Variants in ASS1 observed in about 807,000 individuals in gnomAD.
ASS1 encodes argininosuccinate synthase 1.
Under a neutral mutation model 60.5 loss-of-function variants are expected in ASS1, and 58 were observed. The ratio of observed to expected loss-of-function variants is 0.96; its 90% CI spans 0.78 to 1.19. The LOEUF is 1.19. Ranked by LOEUF, ASS1 falls within the 50% of genes most tolerant of loss-of-function variation. ASS1 has a pLI of 0.00. For missense variants in ASS1, 454 were observed against 547.3 expected, an observed-to-expected ratio of 0.83 and a Z score of 1.70; for synonymous variants, 200 against 206.9, an observed-to-expected ratio of 0.97 and a Z score of 0.29.
At chr9:130,450,189 A>G in intron 1 of ASS1, 3 of 866,726 alleles carry the variant, frequency 3.5e-6, no homozygotes, top group Non-Finnish European at 4.2e-6. Context: ...CTCACAGGAG[A>G]TTGGGCGGCT....
chr9:130,471,016 G>A (rs1845855331), intron 7 of ASS1, 112 bp downstream of exon 7: 1 of 1,289,674 alleles, frequency 7.8e-7, no homozygotes, highest in African/African-American at 1.5e-5. Flanking sequence ...CCTGCCCTCG[G>A]GGAGCTGAGA....
intron 13 of ASS1, among the ~76,000 whole-genome samples, chr9:130,496,423 AAAAT>A (rs1159970986): frequency 6.6e-6 from 1 of 151,624 alleles, no homozygotes; most frequent in East Asian, 1.9e-4. Context: ...CCTGTCTCAA[AAAAT>A]AAATACATAA....
intron 11 of ASS1, among the ~76,000 whole-genome samples, chr9:130,485,402 C>A (rs948274300): frequency 1.3e-5 from 2 of 152,116 alleles, no homozygotes; most frequent in African/African-American, 4.8e-5. Flanking sequence ...CAAAGTCACA[C>A]AGCAAAGCCA....
At chr9:130,454,435 G>A (rs1162426102) in intron 3 of ASS1, 62 bp downstream of exon 3, 2 of 1,505,292 alleles carry the variant, frequency 1.3e-6, no homozygotes, top group African/African-American at 2.8e-5. Flanking sequence ...GGGCAGTGGT[G>A]GATGCTCCTG....
chr9:130,495,466 T>TACACACAC (rs1296659536), intron 13 of ASS1, among the ~76,000 whole-genome samples: 3 of 81,476 alleles, frequency 3.7e-5, no homozygotes, highest in Non-Finnish European at 8.8e-5. Flanking sequence ...TATATACACA[T>TACACACAC]ACATATACAC....
intron 1 of ASS1, among the ~76,000 whole-genome samples, chr9:130,445,382 TG>T (rs1000963627): frequency 2.0e-5 from 3 of 151,822 alleles, no homozygotes; most frequent in African/African-American, 4.8e-5. Flanking sequence ...CCGGAGCGTG[TG>T]GGGGGGCTCC....
intron 6 of ASS1, among the ~76,000 whole-genome samples, chr9:130,469,517 G>T (rs901776359): frequency 6.6e-6 from 1 of 151,748 alleles, no homozygotes; most frequent in Non-Finnish European, 1.5e-5. Flanking sequence ...TTCAAGTGAT[G>T]CTCCTACCTC....
chr9:130,499,544 C>G lies in ASS1; in HGVS notation c.1167C>G (p.Thr389=), dbSNP rs772796860. Residue 389 remains threonine, a synonymous_variant, in exon 14 of 15, where the codon ACC becomes ACG. Coordinates refer to ENST00000352480, the MANE Select transcript of ASS1 (RefSeq NM_054012.4). ...VQGDYEPTDA[T]GFININSLRL... Reference sequence around the variant, plus strand: ...GTGATTATGAGCCAACTGATGCCACCGGGTTCATCAACATCAATTCCCTCA... The same window carrying G: ...GTGATTATGAGCCAACTGATGCCACGGGGTTCATCAACATCAATTCCCTCA... 6.8e-6 allele frequency: 11 copies of G among 1,613,752 alleles called. No individual in the cohort carries two copies. Among genetic ancestry groups the G allele is most frequent in the Non-Finnish European group, 9.3e-6 (11 of 1,179,896 alleles).
Position 130,486,598 on chromosome 9 carries a change from G to A in ASS1, c.839-2735G>A, listed in dbSNP as rs570384733. ...GAACTCCCGAGGGATTTGAGGGCTT[G>A]GATCTCTGCATAAACTTGGAGAGAG... On this transcript the variant is annotated intron_variant, in intron 11 of 14. Coordinates refer to ENST00000352480, the MANE Select transcript of ASS1 (RefSeq NM_054012.4). 7.2e-5 allele frequency among the ~76,000 whole-genome samples: 11 copies of A among 152,298 alleles called. No homozygotes were observed. The East Asian group carries it at 2.1e-3, about 29-fold the overall frequency.
chr9:130,495,472 TACAC>T (rs71499245), intron 13 of ASS1, among the ~76,000 whole-genome samples: 115 of 146,894 alleles, frequency 7.8e-4, no homozygotes, highest in African/African-American at 2.6e-3. Context: ...CACATACATA[TACAC>T]ACACACACAC....
At position 130,476,295 on chromosome 9, in the gene ASS1, G is replaced by C. The variant is rs7025952; in HGVS notation, c.598-576G>C. 1.3e-3 allele frequency: 208 copies of C among 157,998 alleles called. No individual in the cohort carries two copies. Among genetic ancestry groups the C allele is most frequent in the African/African-American group, 4.8e-3 (201 of 41,594 alleles). 9.8% of individuals were successfully genotyped at this position (157,998 alleles called of 1,614,324 possible). A position where few individuals can be genotyped will look rare whatever the true frequency, so the allele number is the denominator to read the frequency against. The stretch of plus-strand genomic sequence containing the variant: ...CAGCCCCTCCACCACTGCATCAGAC[G>C]AGAGGCCCATTTTCCAACACGCCCA... On this transcript the variant is annotated intron_variant, in intron 8 of 14. Coordinates refer to ENST00000352480, the MANE Select transcript of ASS1 (RefSeq NM_054012.4). The surrounding 1 kb of genome is among the most constrained non-coding windows in gnomAD (Gnocchi z 4.9).
intron 12 of ASS1, among the ~76,000 whole-genome samples, chr9:130,492,143 T>C (rs1411920593): frequency 1.3e-5 from 2 of 152,188 alleles, no homozygotes; most frequent in African/African-American, 4.8e-5. Flanking sequence ...GTGAAATAAC[T>C]GCGAGCGCCC....
intron 3 of ASS1, among the ~76,000 whole-genome samples, chr9:130,455,229 T>C (rs1564902581): frequency 6.6e-6 from 1 of 150,498 alleles, no homozygotes; most frequent in Admixed American, 6.6e-5. Context: ...CATCCATCCG[T>C]CTATTCATCC....
Position 130,478,243 on chromosome 9 carries a change from C to T in ASS1, c.688+1282C>T, listed in dbSNP as rs1030782941. On this transcript the variant is annotated intron_variant, in intron 9 of 14. Coordinates refer to ENST00000352480, the MANE Select transcript of ASS1 (RefSeq NM_054012.4). This position sits in a 1 kb window ranked among gnomAD's most constrained non-coding sequence, Gnocchi z 4.7. The stretch of plus-strand genomic sequence containing the variant: ...GAGGACCCCAAAGGCAGCCGGGCCC[C>T]CAGGCCTGTTTGCAGGCACAGAGCC... 4.6e-5 allele frequency among the ~76,000 whole-genome samples: 7 copies of T among 152,242 alleles called. No homozygotes were observed. Among genetic ancestry groups the T allele is most frequent in the Non-Finnish European group, 1.0e-4 (7 of 68,042 alleles).
chr9:130,455,330 A>G (rs1313334017), intron 3 of ASS1, among the ~76,000 whole-genome samples: 2 of 150,344 alleles, frequency 1.3e-5, no homozygotes, highest in Non-Finnish European at 3.0e-5. Flanking sequence ...CCACATATCC[A>G]TCTGTCATTA....
At position 130,476,532 on chromosome 9, in the gene ASS1, A is replaced by C; in HGVS notation, c.598-339A>C. ...GAGAGCGTGCGTGCCGCTCCTGGGAAGCCCTCGGAACGCCGCCTTGCTCCT... is the reference window on the plus strand; with the variant it reads ...GAGAGCGTGCGTGCCGCTCCTGGGACGCCCTCGGAACGCCGCCTTGCTCCT... On this transcript the variant is annotated intron_variant, in intron 8 of 14. Coordinates refer to ENST00000352480, the MANE Select transcript of ASS1 (RefSeq NM_054012.4). This position sits in a 1 kb window ranked among gnomAD's most constrained non-coding sequence, Gnocchi z 4.9. The C allele has an allele frequency of 2.2e-6, 1 of 447,716 alleles. No individual in the cohort carries two copies. 27.7% of individuals were successfully genotyped at this position (447,716 alleles called of 1,614,324 possible).
Position 130,491,089 on chromosome 9 carries a change from T to C in ASS1, c.970+1625T>C, listed in dbSNP as rs1019016157. Among the ~76,000 whole-genome samples the C allele has an allele frequency of 1.3e-5, 2 of 152,160 alleles. No individual in the cohort carries two copies. Among genetic ancestry groups the C allele is most frequent in the African/African-American group, 4.8e-5 (2 of 41,430 alleles). ...TAAGCCTCCTAATCACTGTAACTCA[T>C]CTCAGGATTTCGAGAGGGCTCGATG... On this transcript the variant is annotated intron_variant, in intron 12 of 14. Transcript: ENST00000352480. The surrounding 1 kb of genome is among the most constrained non-coding windows in gnomAD (Gnocchi z 5.3).
intron 14 of ASS1, among the ~76,000 whole-genome samples, chr9:130,500,231 C>T (rs1033530055): frequency 2.0e-5 from 3 of 152,144 alleles, no homozygotes; most frequent in Admixed American, 6.5e-5. Context: ...CAAACAGGGT[C>T]GTTTGTCACC....
At chr9:130,469,913 G>A (rs1845828770) in intron 6 of ASS1, among the ~76,000 whole-genome samples, 1 of 152,166 alleles carries the variant, frequency 6.6e-6, no homozygotes, top group African/African-American at 2.4e-5. Context: ...AGGGGCTGAA[G>A]GGGCTCAGAG....
Sources: gnomAD v4.1 joint callset for allele counts (sites outside exome capture counted in the v4.1 genomes callset) on GRCh38, gnomAD v4.1.1 for gene constraint, Gnocchi (gnomAD v3.1) non-coding constraint, MANE v1.5 for transcripts, NCBI Gene and HGNC (gene_info 2026-07-23, HGNC 2026-07-21) for gene names.